LINGO2: variants seen among roughly 807,000 people sequenced by gnomAD.
The protein encoded by LINGO2 is leucine rich repeat and Ig domain containing 2, also known as leucine-rich repeat and immunoglobulin-like domain-containing nogo receptor-interacting protein 2.
In LINGO2, 14 loss-of-function variants were observed where a neutral mutation model predicts 30.6. That is an observed-to-expected ratio of 0.46 (90% CI 0.30 to 0.72). The LOEUF (loss-of-function observed/expected upper bound fraction) is 0.72, where lower values mean the gene tolerates loss of function less well. Among genes scored for constraint, LINGO2 ranks in the 30% least tolerant of loss-of-function variants. The pLI is 0.07. For synonymous variants in LINGO2, 317 were observed against 288.5 expected, an observed-to-expected ratio of 1.10 and a Z score of -1.00; for missense variants, 729 against 751.7, an observed-to-expected ratio of 0.97 and a Z score of 0.35.
At chr9:28,988,081 C>T in the LINGO2 span, among the ~76,000 whole-genome samples, 1 of 152,168 alleles carries the variant, frequency 6.6e-6, no homozygotes, top group South Asian at 2.1e-4. Flanking sequence ...CCAGTGTTTC[C>T]TTATTAATTT....
At chr9:28,922,182 T>C in the LINGO2 span, among the ~76,000 whole-genome samples, 1 of 152,206 alleles carries the variant, frequency 6.6e-6, no homozygotes, top group Admixed American at 6.5e-5. Context: ...AGCTTTGACT[T>C]TCACCAATAA....
chr9:28,038,785 ACATT>A (rs1161643163), intron 4 of LINGO2, among the ~76,000 whole-genome samples: 3 of 152,210 alleles, frequency 2.0e-5, no homozygotes, highest in African/African-American at 4.8e-5. Context: ...AACAAAATGT[ACATT>A]CAAAGAAAAG....
At chr9:28,517,883 C>T (rs1186733776) in intron 1 of LINGO2, among the ~76,000 whole-genome samples, 2 of 152,104 alleles carry the variant, frequency 1.3e-5, no homozygotes, top group African/African-American at 4.8e-5. Flanking sequence ...ATTCAAATGC[C>T]ACAAGTGCTT....
At chr9:28,606,898 T>A (rs1420446235) in intron 1 of LINGO2, among the ~76,000 whole-genome samples, 1 of 152,082 alleles carries the variant, frequency 6.6e-6, no homozygotes, top group Non-Finnish European at 1.5e-5. Context: ...CTGACAAGTG[T>A]TCTTACAAAA....
the LINGO2 span, among the ~76,000 whole-genome samples, chr9:28,967,734 G>A: frequency 1.3e-5 from 2 of 152,190 alleles, no homozygotes; most frequent in Admixed American, 6.5e-5. Flanking sequence ...AGGTTAGGAT[G>A]TATTTCTGAT....
intron 3 of LINGO2, among the ~76,000 whole-genome samples, chr9:28,314,326 C>T (rs1416022292): frequency 1.3e-5 from 2 of 152,094 alleles, no homozygotes; most frequent in African/African-American, 4.8e-5. Flanking sequence ...TTAGGGTAAA[C>T]AAAAAGTTGA....
chr9:28,665,665 G>A (rs1174204455), intron 1 of LINGO2, among the ~76,000 whole-genome samples: 1 of 152,006 alleles, frequency 6.6e-6, no homozygotes, highest in Non-Finnish European at 1.5e-5. Flanking sequence ...TTCAAGTTTT[G>A]GTTTAGTGAA....
chr9:28,335,921 A>G (rs1295760961), intron 3 of LINGO2, among the ~76,000 whole-genome samples: 1 of 152,126 alleles, frequency 6.6e-6, no homozygotes, highest in East Asian at 1.9e-4. Flanking sequence ...TCGTGCTAAC[A>G]TAAGTTTACT....
chr9:28,260,169 A>C (rs771501513), intron 4 of LINGO2, among the ~76,000 whole-genome samples: 3 of 151,892 alleles, frequency 2.0e-5, no homozygotes, highest in Non-Finnish European at 4.4e-5. Context: ...TAAATATGTC[A>C]GTTGTCCTAT....
At chr9:29,088,788 T>C in the LINGO2 span, among the ~76,000 whole-genome samples, 10 of 152,172 alleles carry the variant, frequency 6.6e-5, no homozygotes, top group African/African-American at 9.7e-5. Context: ...TACGCAATGC[T>C]CACAATATAG....
intron 4 of LINGO2, among the ~76,000 whole-genome samples, chr9:28,063,085 A>G (rs1460075716): frequency 6.6e-6 from 1 of 152,164 alleles, no homozygotes; most frequent in African/African-American, 2.4e-5. Flanking sequence ...GACAGAAGGA[A>G]ACCATAGAAC....
intron 4 of LINGO2, among the ~76,000 whole-genome samples, chr9:28,191,456 C>A (rs1819820127): frequency 6.6e-6 from 1 of 152,138 alleles, no homozygotes; most frequent in African/African-American, 2.4e-5. Context: ...AATCAACTTT[C>A]ATTTTTTGTC....
intron 2 of LINGO2, among the ~76,000 whole-genome samples, chr9:28,433,923 T>TCTCTCTCTCTCTCTCTC (rs1564196132): frequency 0.011 from 1,162 of 109,258 alleles, 237 homozygotes; most frequent in Non-Finnish European, 0.016. Context: ...TGCTCTCTCT[T>TCTCTCTCTCTCTCTCTC]TCTCTCTCTC....
chr9:28,021,263 A>G (rs1003482161), intron 4 of LINGO2, among the ~76,000 whole-genome samples: 3 of 152,008 alleles, frequency 2.0e-5, no homozygotes, highest in Non-Finnish European at 4.4e-5. Flanking sequence ...TCTTTGACCC[A>G]TGTGTTATGT....
At chr9:28,272,837 T>C (rs952622061) in intron 4 of LINGO2, among the ~76,000 whole-genome samples, 4 of 152,028 alleles carry the variant, frequency 2.6e-5, no homozygotes, top group African/African-American at 9.7e-5. Flanking sequence ...CAGCAGCCAA[T>C]GAGGAAAATT....
At chr9:28,917,652 T>A in the LINGO2 span, among the ~76,000 whole-genome samples, 1 of 152,076 alleles carries the variant, frequency 6.6e-6, no homozygotes, top group South Asian at 2.1e-4. Context: ...TAAATCCTTT[T>A]CAGTGTCCTG....
chr9:28,228,356 A>G (rs995573000), intron 4 of LINGO2, among the ~76,000 whole-genome samples: 2 of 152,002 alleles, frequency 1.3e-5, no homozygotes, highest in Non-Finnish European at 2.9e-5. Flanking sequence ...CTACCTTTTC[A>G]TCTTAGTTTT....
chr9:28,927,306 G>A, the LINGO2 span, among the ~76,000 whole-genome samples: 1 of 152,180 alleles, frequency 6.6e-6, no homozygotes, highest in African/African-American at 2.4e-5. Flanking sequence ...ACTTTTAAGT[G>A]TTAGGGGCAT....
At chr9:28,368,991 CTT>C (rs1196106460) in intron 3 of LINGO2, among the ~76,000 whole-genome samples, 1 of 152,150 alleles carries the variant, frequency 6.6e-6, no homozygotes, top group East Asian at 1.9e-4. Context: ...TATCTCAAGT[CTT>C]TGACAAAATG....
Sources: gnomAD v4.1 joint callset for allele counts (sites outside exome capture counted in the v4.1 genomes callset) on GRCh38, gnomAD v4.1.1 for gene constraint, MANE v1.5 for transcripts, NCBI Gene and HGNC (gene_info 2026-07-23, HGNC 2026-07-21) for gene names.